The following TMEFF2 variants were observed in gnomAD, a reference collection of about 807,000 sequenced individuals.
The protein encoded by TMEFF2 is transmembrane protein with EGF like and two follistatin like domains 2.
Under a neutral mutation model 53.8 loss-of-function variants are expected in TMEFF2, and 28 were observed. The observed-to-expected ratio is 0.52, with a 90% CI of 0.39 to 0.71. The LOEUF (loss-of-function observed/expected upper bound fraction) is 0.71. Among genes scored for constraint, TMEFF2 ranks in the 30% least tolerant of loss-of-function variants. TMEFF2 has a pLI of 0.00. For missense variants in TMEFF2, 353 were observed against 455.2 expected (o/e 0.78, Z 2.04); for synonymous variants, 162 against 166.3 (o/e 0.97, Z 0.20).
At chr2:191,966,002 A>C (rs1315362280) in intron 7 of TMEFF2, among the ~76,000 whole-genome samples, 2 of 151,642 alleles carry the variant, frequency 1.3e-5, no homozygotes, top group Admixed American at 6.6e-5. Context: ...AAAAAAAAAA[A>C]AACTTGCGTA....
intron 4 of TMEFF2, among the ~76,000 whole-genome samples, chr2:192,148,394 C>A (rs2105997586): frequency 6.6e-6 from 1 of 152,078 alleles, no homozygotes; most frequent in East Asian, 1.9e-4. Flanking sequence ...GATCGACAGT[C>A]CATGGAGAAA....
At chr2:192,109,997 G>A (rs1205515820) in intron 4 of TMEFF2, among the ~76,000 whole-genome samples, 3 of 152,014 alleles carry the variant, frequency 2.0e-5, no homozygotes, top group African/African-American at 4.8e-5. Context: ...ATAAGGAAAG[G>A]AGATGAAAAG....
chr2:192,185,781 C>G (rs1294213966), intron 2 of TMEFF2, among the ~76,000 whole-genome samples: 1 of 151,966 alleles, frequency 6.6e-6, no homozygotes, highest in Non-Finnish European at 1.5e-5. Context: ...TTGCTCTTTG[C>G]CTTTATATAA....
In TMEFF2 at chr2:192,036,796, C is replaced by A. The variant is rs76070894; in HGVS notation, c.536+20883G>T. On this transcript the variant is annotated intron_variant, in intron 5 of 9. Coordinates refer to ENST00000272771, the MANE Select transcript of TMEFF2 (RefSeq NM_016192.4). ...TGCTCAGAATACTGTTTCAACAGAT[C>A]TTTGCATAGCTGGCTCTCGCTATTT... The A allele has an allele frequency of 2.6e-3, 391 of 152,320 alleles. 2 individuals carry two copies. The highest frequency in any genetic ancestry group is 9.1e-3 in the African/African-American group (380 of 41,568). 9.4% of individuals were successfully genotyped at this position (152,320 alleles called of 1,614,324 possible).
intron 4 of TMEFF2, among the ~76,000 whole-genome samples, chr2:192,112,151 C>T (rs1291954058): frequency 6.6e-6 from 1 of 152,184 alleles, no homozygotes; most frequent in African/African-American, 2.4e-5. Context: ...CCATCATCCT[C>T]CAGACCCCAG....
intron 4 of TMEFF2, among the ~76,000 whole-genome samples, chr2:192,160,896 A>C (rs1410387169): frequency 1.3e-5 from 2 of 152,180 alleles, no homozygotes; most frequent in Non-Finnish European, 2.9e-5. Flanking sequence ...GAGGAAAGAG[A>C]GGAGAAAAAG....
intron 4 of TMEFF2, among the ~76,000 whole-genome samples, chr2:192,163,810 T>C (rs1690689122): frequency 1.3e-5 from 2 of 152,138 alleles, no homozygotes; most frequent in African/African-American, 4.8e-5. Context: ...ACTTGGCGAG[T>C]GCTAAATGAC....
intron 4 of TMEFF2, among the ~76,000 whole-genome samples, chr2:192,129,194 T>C (rs1486766126): frequency 6.6e-6 from 1 of 152,188 alleles, no homozygotes; most frequent in Non-Finnish European, 1.5e-5. Context: ...AATCTTCGAA[T>C]TGGTTCCCTG....
intron 5 of TMEFF2, among the ~76,000 whole-genome samples, chr2:192,051,477 T>G (rs1392653146): frequency 6.6e-6 from 1 of 152,206 alleles, no homozygotes; most frequent in Non-Finnish European, 1.5e-5. Flanking sequence ...GCAGTTTCCA[T>G]TTTAAATACA....
chr2:192,131,873 T>A (rs1379103403), intron 4 of TMEFF2, among the ~76,000 whole-genome samples: 1 of 152,120 alleles, frequency 6.6e-6, no homozygotes. Context: ...CACTTTCAAT[T>A]TTTCCATCCT....
intron 4 of TMEFF2, among the ~76,000 whole-genome samples, chr2:192,175,887 C>A (rs918717875): frequency 6.6e-6 from 1 of 151,310 alleles, no homozygotes; most frequent in South Asian, 2.1e-4. Context: ...CTAAGCAATA[C>A]ATAAATATTT....
chr2:192,182,139 T>C (rs1390802168), intron 3 of TMEFF2, among the ~76,000 whole-genome samples: 3 of 151,838 alleles, frequency 2.0e-5, no homozygotes, highest in African/African-American at 7.2e-5. Context: ...AAAAATTAAG[T>C]TCAATGAAAT....
intron 4 of TMEFF2, among the ~76,000 whole-genome samples, chr2:192,112,097 G>C (rs115713373): frequency 9.8e-5 from 15 of 152,326 alleles, no homozygotes; most frequent in African/African-American, 2.4e-4. Flanking sequence ...CCCCCACACA[G>C]AGTTCTCACT....
intron 3 of TMEFF2, among the ~76,000 whole-genome samples, chr2:192,183,330 C>T (rs1342145834): frequency 3.3e-5 from 5 of 151,898 alleles, no homozygotes; most frequent in African/African-American, 1.2e-4. Context: ...TTTCTCTTTG[C>T]TCATTTTCCA....
chr2:192,086,432 CCT>C (rs1341987388), intron 4 of TMEFF2, among the ~76,000 whole-genome samples: 1 of 152,000 alleles, frequency 6.6e-6, no homozygotes, highest in African/African-American at 2.4e-5. Flanking sequence ...CTACCAAATC[CCT>C]GATTATGGAA....
chr2:192,133,686 C>T (rs954806616), intron 4 of TMEFF2, among the ~76,000 whole-genome samples: 1 of 152,200 alleles, frequency 6.6e-6, no homozygotes, highest in Non-Finnish European at 1.5e-5. Flanking sequence ...TTTACTACTC[C>T]TTTGCACGGG....
chr2:192,156,075 C>T (rs928504380), intron 4 of TMEFF2, among the ~76,000 whole-genome samples: 2 of 150,640 alleles, frequency 1.3e-5, no homozygotes, highest in Non-Finnish European at 3.0e-5. Flanking sequence ...ATTCACTCAA[C>T]AAATATATGT....
intron 4 of TMEFF2, among the ~76,000 whole-genome samples, chr2:192,169,503 A>T (rs1690855715): frequency 6.6e-6 from 1 of 152,072 alleles, no homozygotes; most frequent in South Asian, 2.1e-4. Flanking sequence ...GGGAAGACTA[A>T]TTTTTATCCT....
chr2:192,012,705 T>C (rs1371192902), intron 5 of TMEFF2, among the ~76,000 whole-genome samples: 1 of 152,168 alleles, frequency 6.6e-6, no homozygotes, highest in East Asian at 1.9e-4. Flanking sequence ...CAGAATATAA[T>C]TAAAAATATG....
Sources: gnomAD v4.1 joint callset for allele counts (sites outside exome capture counted in the v4.1 genomes callset) on GRCh38, gnomAD v4.1.1 for gene constraint, MANE v1.5 for transcripts, NCBI Gene and HGNC (gene_info 2026-07-23, HGNC 2026-07-21) for gene names.